The following TMEM171 variants were observed in gnomAD, a reference collection of about 807,000 sequenced individuals.
TMEM171 encodes proline-rich protein PRP2.
In TMEM171, 16 loss-of-function variants were observed where a neutral mutation model predicts 19.1. The ratio of observed to expected loss-of-function variants is 0.84; its 90% CI spans 0.57 to 1.27. The LOEUF (loss-of-function observed/expected upper bound fraction) is 1.27, where lower values mean the gene tolerates loss of function less well. Ranked by LOEUF, TMEM171 falls within the 50% of genes most tolerant of loss-of-function variation. TMEM171 has a pLI of 0.00. For synonymous variants in TMEM171, 153 were observed against 163.4 expected, an observed-to-expected ratio of 0.94 and a Z score of 0.48; for missense variants, 429 against 412.7, an observed-to-expected ratio of 1.04 and a Z score of -0.34.
At chr5:73,125,447 G>A (rs1378961108) in intron 2 of TMEM171, among the ~76,000 whole-genome samples, 1 of 152,188 alleles carries the variant, frequency 6.6e-6, no homozygotes, top group Non-Finnish European at 1.5e-5. Context: ...CTAGCAAGTG[G>A]TAGAGCAAGG....
At chr5:73,127,388 T>A (rs201328922) in intron 2 of TMEM171, among the ~76,000 whole-genome samples, 1,359 of 101,510 alleles carry the variant, frequency 0.013, 14 homozygotes, top group African/African-American at 0.027. Flanking sequence ...AAAAAAAATA[T>A]ATATATATAT....
At chr5:73,127,474 T>G (rs2112924239) in intron 2 of TMEM171, among the ~76,000 whole-genome samples, 1 of 150,084 alleles carries the variant, frequency 6.7e-6, no homozygotes, top group Non-Finnish European at 1.5e-5. Context: ...TCTCACTCTG[T>G]CACCCAGGCT....
chr5:73,124,864 T>TTCATTGGCAGATCACTTTTTTTCAGTC (rs1367849679), intron 2 of TMEM171, among the ~76,000 whole-genome samples: 3 of 152,200 alleles, frequency 2.0e-5, no homozygotes, highest in African/African-American at 4.8e-5. Context: ...CCCATCGCTG[T>TTCATTGGCAGATCACTTTTTTTCAGTC]TCATTGGCAG....
chr5:73,127,964 C>A (rs1343921029), intron 2 of TMEM171, among the ~76,000 whole-genome samples: 1 of 151,714 alleles, frequency 6.6e-6, no homozygotes. Context: ...AGGCTGGTCT[C>A]CAACTCCTGG....
chr5:73,124,703 T>C (rs896160633), intron 2 of TMEM171, among the ~76,000 whole-genome samples: 1 of 152,192 alleles, frequency 6.6e-6, no homozygotes, highest in Non-Finnish European at 1.5e-5. Flanking sequence ...CAAGATGGAA[T>C]ATGACAGCAC....
At chr5:73,128,356 C>CTA in intron 2 of TMEM171, 34 bp from the exon 3 acceptor site, 3 of 1,600,720 alleles carry the variant, frequency 1.9e-6, no homozygotes, top group Non-Finnish European at 2.6e-6. Flanking sequence ...ATTTATTACC[C>CTA]ACCTGTTGTC....
At position 73,127,394 on chromosome 5, in the gene TMEM171, T is replaced by A. The variant is rs1372254544; in HGVS notation, c.641-996T>A. 3.3e-3 allele frequency among the ~76,000 whole-genome samples: 404 copies of A among 123,304 alleles called. 3 individuals carry two copies. The highest frequency in any genetic ancestry group is 5.3e-3 in the Non-Finnish European group (302 of 57,154). The allele number at this position is 123,304 out of a possible 152,430, so 80.9% of individuals were successfully genotyped here. A position where few individuals can be genotyped will look rare whatever the true frequency, so the allele number is the denominator to read the frequency against. On this transcript the variant is annotated intron_variant, in intron 2 of 3. Transcript: ENST00000454765. ...TAAAAAAAAAAAAAAAATATATATA[T>A]ATATATATATATAAAGCATAAACAA... is the stretch of plus-strand genomic sequence containing the variant.
chr5:73,121,756 A>G (rs1744013961), intron 1 of TMEM171, among the ~76,000 whole-genome samples: 1 of 152,234 alleles, frequency 6.6e-6, no homozygotes, highest in African/African-American at 2.4e-5. Context: ...TTCTTTACCT[A>G]AACTGACCTT....
In TMEM171 at chr5:73,123,359, G is replaced by A. The variant is rs752859245; in HGVS notation, c.-15G>A. The A allele has an allele frequency of 4.8e-5, 76 of 1,592,196 alleles. No individual in the cohort carries two copies. The highest frequency in any genetic ancestry group is 6.4e-5 in the Non-Finnish European group (75 of 1,165,252). On this transcript the variant is annotated 5_prime_UTR_variant, in exon 2 of 4. Transcript: ENST00000454765. ...CACATCCCACCCTGCCTCCGGGAAGGGGCCTCTCCTGGACATGTCTCCTGC... is the reference window on the plus strand; with the variant it reads ...CACATCCCACCCTGCCTCCGGGAAGAGGCCTCTCCTGGACATGTCTCCTGC...
chr5:73,129,496 G>A (rs145732036), intron 3 of TMEM171, among the ~76,000 whole-genome samples: 5 of 152,274 alleles, frequency 3.3e-5, no homozygotes, highest in African/African-American at 1.2e-4. Flanking sequence ...GAAAGTTAGG[G>A]TTTTCCTTTC....
Position 73,123,612 on chromosome 5 carries a change from G to GGGC in TMEM171, c.241_243dup (p.Ala81dup). The GGGC allele has an allele frequency of 6.2e-7, 1 of 1,614,204 alleles. No individual in the cohort carries two copies. The highest frequency in any genetic ancestry group is 1.6e-4 in the Middle Eastern group (1 of 6,062). On this transcript the variant is annotated inframe_insertion, in exon 2 of 4. Coordinates refer to ENST00000454765, the MANE Select transcript of TMEM171 (RefSeq NM_173490.8). Reference sequence around the variant, plus strand: ...GGGGCTGTGATCCTGGCCCGCTCCCGGGCGCAACTTCAGCTCCGTGCAGGG... The same window carrying GGGC: ...GGGGCTGTGATCCTGGCCCGCTCCCGGGCGGCGCAACTTCAGCTCCGTGCAGGG...
At chr5:73,129,560 C>T (rs1476287912) in intron 3 of TMEM171, among the ~76,000 whole-genome samples, 1 of 152,156 alleles carries the variant, frequency 6.6e-6, no homozygotes, top group African/African-American at 2.4e-5. Flanking sequence ...TGCCTCCACA[C>T]CCTATTCTTC....
chr5:73,127,819 C>T (rs926660208), intron 2 of TMEM171, among the ~76,000 whole-genome samples: 24 of 151,792 alleles, frequency 1.6e-4, no homozygotes, highest in Admixed American at 1.3e-3. Flanking sequence ...TAGTTCACTG[C>T]AGCCTAGAAC....
chr5:73,127,758 T>TA (rs1311188962), intron 2 of TMEM171, among the ~76,000 whole-genome samples: 1 of 150,412 alleles, frequency 6.6e-6, no homozygotes. Flanking sequence ...TTTTTTTTTT[T>TA]AAGACAGGGT....
At chr5:73,120,725 C>CCGG (rs1326521576) in intron 1 of TMEM171, 29 bp downstream of exon 1, 1 of 983,636 alleles carries the variant, frequency 1.0e-6, no homozygotes, top group Non-Finnish European at 1.2e-6. Flanking sequence ...CGCGCCTGCG[C>CCGG]CGGCGGCGGC....
intron 3 of TMEM171, among the ~76,000 whole-genome samples, 153 bp downstream of exon 3, chr5:73,128,684 C>T (rs906886484): frequency 1.2e-3 from 13 of 10,568 alleles, no homozygotes; most frequent in South Asian, 0.023. Context: ...GTACCTTTGC[C>T]GAAATTTGGG....
Position 73,131,706 on chromosome 5 carries a change from A to G in TMEM171, c.951A>G (p.Leu317=), listed in dbSNP as rs1175541175. Residue 317 remains leucine (L), a synonymous_variant, in exon 4 of 4, where the codon CTA becomes CTG. Transcript: ENST00000454765. ...ATGCTGCAGCTACATTCTTGCCTCT[A>G]TCTTCTGAGCCTTCCCCACCGTAAA... ...KENAAATFLP[L]SSEPSPP is the part of the protein sequence containing the mutation. 6.2e-7 allele frequency: 1 copy of G among 1,613,274 alleles called. No homozygotes were observed. The highest frequency in any genetic ancestry group is 8.5e-7 in the Non-Finnish European group (1 of 1,179,734).
At chr5:73,126,592 C>T (rs1479750434) in intron 2 of TMEM171, among the ~76,000 whole-genome samples, 1 of 152,188 alleles carries the variant, frequency 6.6e-6, no homozygotes, top group Non-Finnish European at 1.5e-5. Context: ...CTGCCAGATG[C>T]AAATCAGTCC....
rs137882806 is a variant in TMEM171 at position 73,123,669 on chromosome 5, G to A, written c.296G>A (p.Arg99Gln). Residue 99 changes from arginine to glutamine, a missense_variant, in exon 2 of 4, where the codon CGA becomes CAA. Coordinates refer to ENST00000454765, the MANE Select transcript of TMEM171 (RefSeq NM_173490.8). ...LQRGQQMDPD[R>Q]AFICGESRQF... ...AGAGGTCAGCAGATGGACCCCGACCGAGCCTTCATCTGTGGAGAGAGCCGC... is the reference window on the plus strand; with the variant it reads ...AGAGGTCAGCAGATGGACCCCGACCAAGCCTTCATCTGTGGAGAGAGCCGC... 36 of 1,614,220 alleles carry A rather than the reference G, an allele frequency of 2.2e-5. No homozygotes were observed. Among genetic ancestry groups the A allele is most frequent in the Middle Eastern group, 3.3e-4 (2 of 6,062 alleles).
Sources: gnomAD v4.1 joint callset for allele counts (sites outside exome capture counted in the v4.1 genomes callset) on GRCh38, gnomAD v4.1.1 for gene constraint, MANE v1.5 for transcripts, NCBI Gene and HGNC (gene_info 2026-07-23, HGNC 2026-07-21) for gene names.